The following TMEM179 variants were observed in gnomAD, a reference collection of about 807,000 sequenced individuals.
TMEM179 encodes the protein transmembrane protein 179.
In TMEM179, 17 loss-of-function variants were observed where a neutral mutation model predicts 22.2. That is an observed-to-expected ratio of 0.77 (90% CI 0.52 to 1.15). The LOEUF is 1.15. TMEM179 is among the 50% of genes most tolerant of loss of function. The probability of loss-of-function intolerance (pLI) is 0.00; values close to 1 mark genes in which losing one functional copy is unlikely to be tolerated. For missense variants in TMEM179, 265 were observed against 313.6 expected (o/e 0.84, Z 1.17); for synonymous variants, 127 against 140.5 (o/e 0.90, Z 0.68).
intron 1 of TMEM179, among the ~76,000 whole-genome samples, chr14:104,598,934 G>T (rs1001021633): frequency 1.3e-5 from 2 of 152,228 alleles, no homozygotes; most frequent in Non-Finnish European, 2.9e-5. Flanking sequence ...ACGTACGCGT[G>T]GGGGGTGACC....
chr14:104,601,143 A>G (rs1887223821), intron 1 of TMEM179, among the ~76,000 whole-genome samples: 1 of 152,184 alleles, frequency 6.6e-6, no homozygotes, highest in Non-Finnish European at 1.5e-5. Context: ...ATGCAGCTGG[A>G]CCAACAATTG....
chr14:104,596,187 G>C (rs1887016265), intron 2 of TMEM179, among the ~76,000 whole-genome samples: 1 of 152,260 alleles, frequency 6.6e-6, no homozygotes, highest in Non-Finnish European at 1.5e-5. Context: ...CAGCTCTGCT[G>C]CATCTGTTGC....
chr14:104,602,798 C>G (rs1887284529), intron 1 of TMEM179, among the ~76,000 whole-genome samples: 1 of 152,218 alleles, frequency 6.6e-6, no homozygotes, highest in Admixed American at 6.5e-5. Flanking sequence ...AGGCTGACAG[C>G]CAGCTTTCTA....
At chr14:104,601,626 T>C (rs575968818) in intron 1 of TMEM179, among the ~76,000 whole-genome samples, 1 of 152,336 alleles carries the variant, frequency 6.6e-6, no homozygotes, top group African/African-American at 2.4e-5. Flanking sequence ...GGTGGCCACA[T>C]GACCACGTGA....
intron 1 of TMEM179, among the ~76,000 whole-genome samples, chr14:104,601,471 G>T (rs1022510437): frequency 6.6e-6 from 1 of 151,864 alleles, no homozygotes; most frequent in African/African-American, 2.4e-5. Flanking sequence ...GGGGTCCCCT[G>T]GGGGGGGACC....
In TMEM179 at chr14:104,591,043, G is replaced by C. The variant is rs1348660731; in HGVS notation, c.*2436C>G. The C allele has an allele frequency of 4.2e-6, 1 of 235,822 alleles. No homozygotes were observed. Among genetic ancestry groups the C allele is most frequent in the Non-Finnish European group, 8.4e-6 (1 of 118,462 alleles). The allele number at this position is 235,822 out of a possible 1,614,324, so 14.6% of individuals were successfully genotyped here. A position where few individuals can be genotyped will look rare whatever the true frequency, so the allele number is the denominator to read the frequency against. ...TGCCTGGGGAGAGGCCCAATCCCCT[G>C]AGGGACCCTGGAGAGCCCACGACCA... On this transcript the variant is annotated 3_prime_UTR_variant, in exon 4 of 4. Coordinates refer to ENST00000556573, the MANE Select transcript of TMEM179 (RefSeq NM_001286389.2).
chr14:104,591,627 G>A lies in TMEM179; in HGVS notation c.*1852C>T, dbSNP rs73361848. The A allele has an allele frequency of 9.7e-3, 3,341 of 346,168 alleles. 120 individuals carry two copies. The highest frequency in any genetic ancestry group is 0.068 in the African/African-American group (3,102 of 45,728). 21.4% of individuals were successfully genotyped at this position (346,168 alleles called of 1,614,324 possible). A position where few individuals can be genotyped will look rare whatever the true frequency, so the allele number is the denominator to read the frequency against. On this transcript the variant is annotated 3_prime_UTR_variant, in exon 4 of 4. Transcript: ENST00000556573. ...TGACACCCCCGATGGGCACCTGCCAGCCTCACTCCCGGGACCCAGGATGAT... is the reference window on the plus strand; with the variant it reads ...TGACACCCCCGATGGGCACCTGCCAACCTCACTCCCGGGACCCAGGATGAT...
At chr14:104,600,128 C>T (rs1418261160) in intron 1 of TMEM179, among the ~76,000 whole-genome samples, 2 of 152,206 alleles carry the variant, frequency 1.3e-5, no homozygotes, top group African/African-American at 2.4e-5. Flanking sequence ...CCTTTCTGGT[C>T]GGTTTCCAGG....
intron 3 of TMEM179, chr14:104,594,006 T>C: frequency 8.3e-7 from 1 of 1,206,656 alleles, no homozygotes; most frequent in Non-Finnish European, 1.0e-6. Flanking sequence ...AGCTCCGGCC[T>C]GTCGGCTCTA....
At chr14:104,594,534 T>A (rs45500405) in intron 3 of TMEM179, 3 of 1,230,744 alleles carry the variant, frequency 2.4e-6, no homozygotes, top group Admixed American at 8.4e-5. Flanking sequence ...AATTCCAGGG[T>A]TCCCCCTCCG....
chr14:104,598,206 C>T lies in TMEM179; in HGVS notation c.306-1079G>A, dbSNP rs951410854. ...GCTCAGCCTGGAATGCACACGGAGG[C>T]TCCGGGGGGTAGGGAGAGGGGGTAG... On this transcript the variant is annotated intron_variant, in intron 1 of 3. Transcript: ENST00000556573. Among the ~76,000 whole-genome samples, 7 of 152,258 alleles carry T rather than the reference C, an allele frequency of 4.6e-5. No homozygotes were observed. In the East Asian group the frequency reaches 7.7e-4, roughly 17 times the overall value.
rs778217334 is a variant in TMEM179 at position 104,597,599 on chromosome 14, T to C, written c.306-472A>G. On this transcript the variant is annotated intron_variant, in intron 1 of 3. Coordinates refer to ENST00000556573, the MANE Select transcript of TMEM179 (RefSeq NM_001286389.2). This position sits in a 1 kb window ranked among gnomAD's most constrained non-coding sequence, Gnocchi z 4.8. ...AGGAGGTCATGAGGGTGAAGCCTCA[T>C]GAATGAAATGAGTGCCCTCCTAGGA... Among the ~76,000 whole-genome samples, 22 of 152,028 alleles carry C rather than the reference T, an allele frequency of 1.4e-4. No individual in the cohort carries two copies. Among genetic ancestry groups the C allele is most frequent in the Non-Finnish European group, 3.2e-4 (22 of 67,982 alleles).
chr14:104,595,012 C>T lies in TMEM179; in HGVS notation c.522+153G>A. 2.7e-6 allele frequency: 4 copies of T among 1,507,788 alleles called. No individual in the cohort carries two copies. The highest frequency in any genetic ancestry group is 3.6e-6 in the Non-Finnish European group (4 of 1,126,724). The allele number at this position is 1,507,788 out of a possible 1,614,324, so 93.4% of individuals were successfully genotyped here. A position where few individuals can be genotyped will look rare whatever the true frequency, so the allele number is the denominator to read the frequency against. ...CCCCACCTCCTGCAGGAAGCCTTCC[C>T]GACTGCTCCCACTGCCTGGTCCCAT... is the stretch of plus-strand genomic sequence containing the variant. On this transcript the variant is annotated intron_variant, in intron 3 of 3. Transcript: ENST00000556573. The surrounding 1 kb of genome is among the most constrained non-coding windows in gnomAD (Gnocchi z 5.7).
intron 3 of TMEM179, chr14:104,594,586 CAGCAAAT>C: frequency 8.1e-7 from 1 of 1,230,328 alleles, no homozygotes; most frequent in Non-Finnish European, 1.0e-6. Flanking sequence ...GCCTGCATTT[CAGCAAAT>C]AGCGTCCCTC....
intron 3 of TMEM179, chr14:104,594,035 C>G: frequency 8.2e-7 from 1 of 1,226,982 alleles, no homozygotes; most frequent in Non-Finnish European, 1.0e-6. Context: ...GGGTAAACAG[C>G]GGAGGCTCCT....
chr14:104,599,708 T>C (rs1373929850), intron 1 of TMEM179, among the ~76,000 whole-genome samples: 1 of 152,044 alleles, frequency 6.6e-6, no homozygotes, highest in Non-Finnish European at 1.5e-5. Context: ...ACGGCCAGGG[T>C]CAGCTCCACA....
In TMEM179 at chr14:104,604,682, G is replaced by A. The variant is rs1169744839; in HGVS notation, c.60C>T (p.Phe20=). The A allele has an allele frequency of 6.3e-7, 1 of 1,598,746 alleles. No homozygotes were observed. Among genetic ancestry groups the A allele is most frequent in the Non-Finnish European group, 8.5e-7 (1 of 1,173,902 alleles). ...QCACYFLAFL[F]SFVVVVPLSE... ...ACAGCGGGACCACCACCACGAAGCT[G>A]AACAGGAAGGCCAAGAAGTAGCAGG... The change falls in exon 1 of 4, where the codon TTC becomes TTT. Residue 20 remains phenylalanine, a synonymous_variant. Transcript: ENST00000556573. This position sits in a 1 kb window ranked among gnomAD's most constrained non-coding sequence, Gnocchi z 4.6.
rs1446353887 is a variant in TMEM179, at chr14:104,593,321, T to G, written c.*158A>C. The G allele has an allele frequency of 1.2e-6, 1 of 848,948 alleles. No individual in the cohort carries two copies. Among genetic ancestry groups the G allele is most frequent in the African/African-American group, 1.7e-5 (1 of 59,098 alleles). 52.6% of individuals were successfully genotyped at this position (848,948 alleles called of 1,614,324 possible). On this transcript the variant is annotated 3_prime_UTR_variant, in exon 4 of 4. Transcript: ENST00000556573. ...CACTGCCAGGCTCACAGGTGGGCACTGGGGCGCTCACCTCACTACACGTGG... is the reference window on the plus strand; with the variant it reads ...CACTGCCAGGCTCACAGGTGGGCACGGGGGCGCTCACCTCACTACACGTGG...
intron 3 of TMEM179, 147 bp from the exon 4 acceptor site, chr14:104,593,805 T>G: frequency 1.1e-6 from 1 of 950,524 alleles, no homozygotes; most frequent in Non-Finnish European, 1.5e-6. Flanking sequence ...CAGGGCCAGC[T>G]CCTGAAGACC....
Sources: allele counts gnomAD v4.1 joint callset (sites outside exome capture counted in the v4.1 genomes callset), GRCh38; gene constraint gnomAD v4.1.1; non-coding constraint Gnocchi (gnomAD v3.1); transcripts MANE v1.5; gene names NCBI Gene and HGNC (gene_info 2026-07-23, HGNC 2026-07-21).